The following WBP2 variants were observed in gnomAD, a reference collection of about 807,000 sequenced individuals.
The protein encoded by WBP2 is WW domain-binding protein 2.
Under a neutral mutation model 33.0 loss-of-function variants are expected in WBP2, and 23 were observed. The observed-to-expected ratio is 0.70, with a 90% CI of 0.50 to 0.99. The LOEUF (loss-of-function observed/expected upper bound fraction) is 0.99. WBP2 is among the 50% of genes least tolerant of loss of function. WBP2 has a pLI of 0.00. For synonymous variants in WBP2, 153 were observed against 133.5 expected, an observed-to-expected ratio of 1.15 and a Z score of -1.01; for missense variants, 353 against 358.0, an observed-to-expected ratio of 0.99 and a Z score of 0.11.
intron 1 of WBP2, among the ~76,000 whole-genome samples, chr17:75,854,338 T>C (rs901872498): frequency 6.6e-6 from 1 of 152,142 alleles, no homozygotes; most frequent in Non-Finnish European, 1.5e-5. Context: ...AGGGTCGGCA[T>C]AGTTCAACCC....
At chr17:75,847,990 GCCC>G in intron 4 of WBP2, 60 bp from the exon 5 acceptor site, 1 of 1,548,276 alleles carries the variant, frequency 6.5e-7, no homozygotes, top group Non-Finnish European at 8.7e-7. Context: ...GGAGAGGGCA[GCCC>G]CGCTGCCTGC....
intron 2 of WBP2, 149 bp downstream of exon 2, chr17:75,851,419 G>A (rs182732454): frequency 4.8e-6 from 3 of 625,160 alleles, no homozygotes; most frequent in East Asian, 5.5e-5. Context: ...AGGAGCATGT[G>A]ACAGAGAAAC....
At chr17:75,855,173 C>A in intron 1 of WBP2, 66 bp downstream of exon 1, 1 of 1,257,456 alleles carries the variant, frequency 8.0e-7, no homozygotes, top group South Asian at 1.2e-5. Context: ...CACCACCCAC[C>A]ACCCACCGCC....
rs2143913887 is a variant in WBP2 at position 75,846,837 on chromosome 17, T to C, written c.733-50A>G. ...TTGCATTAGAAGGTTTAAAACATGG[T>C]GCGGTCATCCCCCTGCGGCTCCCAG... On this transcript the variant is annotated intron_variant, in intron 7 of 7. Transcript: ENST00000254806. The surrounding 1 kb of genome is among the most constrained non-coding windows in gnomAD (Gnocchi z 4.8). 6.2e-7 allele frequency: 1 copy of C among 1,608,540 alleles called. No homozygotes were observed. The highest frequency in any genetic ancestry group is 1.1e-5 in the South Asian group (1 of 90,452).
chr17:75,855,532 C>T, upstream of WBP2: 1 of 575,232 alleles, frequency 1.7e-6, no homozygotes, highest in Admixed American at 3.0e-5. Context: ...CCCCCGCAGC[C>T]TCGGCCTGTC....
rs745449945 is a variant in WBP2, at chr17:75,846,358, T to A, written c.*376A>T. On this transcript the variant is annotated 3_prime_UTR_variant, in exon 8 of 8. Coordinates refer to ENST00000254806, the MANE Select transcript of WBP2 (RefSeq NM_012478.4). The surrounding 1 kb of genome is among the most constrained non-coding windows in gnomAD (Gnocchi z 4.8). ...CACCTGGCTGGTCTGAAGTGGCTCA[T>A]GAGGCTGAGTGTAGCAGTGGGTGCC... The A allele has an allele frequency of 9.4e-5, 28 of 297,496 alleles. No individual in the cohort carries two copies. The highest frequency in any genetic ancestry group is 1.8e-4 in the Non-Finnish European group (28 of 153,236). 18.4% of individuals were successfully genotyped at this position (297,496 alleles called of 1,614,324 possible).
intron 2 of WBP2, among the ~76,000 whole-genome samples, chr17:75,850,221 C>T (rs180874259): frequency 4.0e-5 from 6 of 151,310 alleles, no homozygotes; most frequent in Non-Finnish European, 7.4e-5. Context: ...CCTGGAGAAA[C>T]CCTTGGGTTT....
Position 75,846,856 on chromosome 17 carries a change from C to G in WBP2, c.732+52G>C. On this transcript the variant is annotated intron_variant, in intron 7 of 7. Coordinates refer to ENST00000254806, the MANE Select transcript of WBP2 (RefSeq NM_012478.4). The surrounding 1 kb of genome is among the most constrained non-coding windows in gnomAD (Gnocchi z 4.8). ...ACATGGTGCGGTCATCCCCCTGCGGCTCCCAGCATCTGCGGCTGTGGGGCT... is the reference window on the plus strand; with the variant it reads ...ACATGGTGCGGTCATCCCCCTGCGGGTCCCAGCATCTGCGGCTGTGGGGCT... 6.2e-7 allele frequency: 1 copy of G among 1,613,172 alleles called. No individual in the cohort carries two copies. The highest frequency in any genetic ancestry group is 8.5e-7 in the Non-Finnish European group (1 of 1,179,506).
intron 1 of WBP2, among the ~76,000 whole-genome samples, chr17:75,854,628 C>T (rs2065046777): frequency 6.6e-6 from 1 of 152,318 alleles, no homozygotes; most frequent in East Asian, 1.9e-4. Flanking sequence ...ACCTCTGGGA[C>T]CTCAGTTTTT....
At chr17:75,847,006 G>A in intron 6 of WBP2, 22 bp from the exon 7 acceptor site, 1 of 1,613,846 alleles carries the variant, frequency 6.2e-7, no homozygotes, top group Non-Finnish European at 8.5e-7. Context: ...AACACACCTG[G>A]TGTCGGTGAC....
At chr17:75,849,230 G>A (rs2065013636) in intron 3 of WBP2, 2 of 220,664 alleles carry the variant, frequency 9.1e-6, no homozygotes, top group East Asian at 2.2e-4. Flanking sequence ...CCCAAAGCAG[G>A]GTGACTCTGG....
intron 2 of WBP2, 117 bp downstream of exon 2, chr17:75,851,451 C>A: frequency 1.4e-6 from 1 of 730,788 alleles, no homozygotes; most frequent in Non-Finnish European, 2.5e-6. Context: ...AGCACTAACA[C>A]TCACCAGGAT....
In WBP2 at chr17:75,848,754, C is replaced by T. The variant is rs546800241; in HGVS notation, c.305-92G>A. ...TTTTCCTCTCCAGGACTTCATCCAA[C>T]GCCCGGGAGGCCTGCGGGGGCTGGG... is the stretch of plus-strand genomic sequence containing the variant. On this transcript the variant is annotated intron_variant, in intron 3 of 7. Coordinates refer to ENST00000254806, the MANE Select transcript of WBP2 (RefSeq NM_012478.4). 1.5e-4 allele frequency: 184 copies of T among 1,188,094 alleles called. No homozygotes were observed. The South Asian group carries it at 2.0e-3, about 13-fold the overall frequency. 73.6% of individuals were successfully genotyped at this position (1,188,094 alleles called of 1,614,324 possible). A position where few individuals can be genotyped will look rare whatever the true frequency, so the allele number is the denominator to read the frequency against.
In WBP2 at chr17:75,846,752, TTCCGGTGGGTAGTA is replaced by T. The variant is rs2064994568; in HGVS notation, c.754_767del (p.Tyr252ArgfsTer2). ...GGAGGGCCTACTGGGTCTTCTTATC[TTCCGGTGGGTAGTA>T]GGGAGGTGGCGGCGGCTGGCTCTAA... is the stretch of plus-strand genomic sequence containing the variant. On this transcript the variant is annotated frameshift_variant, in exon 8 of 8. Transcript: ENST00000254806. LOFTEE classifies it high-confidence loss of function. This position sits in a 1 kb window ranked among gnomAD's most constrained non-coding sequence, Gnocchi z 4.8. The T allele has an allele frequency of 6.5e-7, 1 of 1,532,520 alleles. No individual in the cohort carries two copies. Among genetic ancestry groups the T allele is most frequent in the African/African-American group, 1.4e-5 (1 of 72,672 alleles). The allele number at this position is 1,532,520 out of a possible 1,614,324, so 94.9% of individuals were successfully genotyped here.
Position 75,853,302 on chromosome 17 carries a change from T to C in WBP2, c.60-1626A>G, listed in dbSNP as rs371666255. The stretch of plus-strand genomic sequence containing the variant: ...CTCAAGTGATCCACCCACCTCAGCC[T>C]CCCAAAGTGCTGGGATTACAGGCGT... On this transcript the variant is annotated intron_variant, in intron 1 of 7. Coordinates refer to ENST00000254806, the MANE Select transcript of WBP2 (RefSeq NM_012478.4). Among the ~76,000 whole-genome samples, 23 of 152,290 alleles carry C rather than the reference T, an allele frequency of 1.5e-4. No homozygotes were observed. In the East Asian group the frequency reaches 3.5e-3, roughly 23 times the overall value.
Position 75,846,825 on chromosome 17 carries a change from T to C in WBP2, c.733-38A>G. The C allele has an allele frequency of 1.2e-6, 2 of 1,603,516 alleles. No homozygotes were observed. The highest frequency in any genetic ancestry group is 1.7e-6 in the Non-Finnish European group (2 of 1,174,518). On this transcript the variant is annotated intron_variant, in intron 7 of 7. Coordinates refer to ENST00000254806, the MANE Select transcript of WBP2 (RefSeq NM_012478.4). The surrounding 1 kb of genome is among the most constrained non-coding windows in gnomAD (Gnocchi z 4.8). ...GAAAGGAGAGACTTGCATTAGAAGG[T>C]TTAAAACATGGTGCGGTCATCCCCC...
upstream of WBP2, chr17:75,855,414 C>G: frequency 8.6e-7 from 1 of 1,161,766 alleles, no homozygotes; most frequent in Non-Finnish European, 1.3e-6. Context: ...AGTGCGGAGG[C>G]TGGCCCAAAC....
chr17:75,851,877 G>A (rs981688977), intron 1 of WBP2: 9 of 399,656 alleles, frequency 2.3e-5, no homozygotes, highest in Admixed American at 3.3e-5. Context: ...CGAGGCGAGC[G>A]GATGACCCCT....
chr17:75,850,015 G>C (rs1200817254), intron 2 of WBP2, among the ~76,000 whole-genome samples: 2 of 152,198 alleles, frequency 1.3e-5, no homozygotes, highest in South Asian at 4.1e-4. Context: ...GACGTGGTGG[G>C]GTGGTGGCAG....
Sources: gnomAD v4.1 joint callset for allele counts (sites outside exome capture counted in the v4.1 genomes callset) on GRCh38, gnomAD v4.1.1 for gene constraint, Gnocchi (gnomAD v3.1) non-coding constraint, MANE v1.5 for transcripts, NCBI Gene and HGNC (gene_info 2026-07-23, HGNC 2026-07-21) for gene names.